The following ATP11C variants were observed in gnomAD, a reference collection of about 807,000 sequenced individuals.
ATP11C encodes the protein phospholipid-transporting ATPase IG.
A neutral mutation model predicts 97.4 loss-of-function variants in ATP11C; 36 were observed. That is an observed-to-expected ratio of 0.37 (90% confidence interval 0.28 to 0.49). The LOEUF is 0.49. ATP11C is among the 20% of genes least tolerant of loss of function. The probability of loss-of-function intolerance (pLI) is 0.98; values close to 1 mark genes in which losing one functional copy is unlikely to be tolerated. For missense variants in ATP11C, 730 were observed against 824.6 expected (o/e 0.89, Z 1.40); for synonymous variants, 275 against 290.9 (o/e 0.95, Z 0.56).
intron 14 of ATP11C, among the ~76,000 whole-genome samples, chrX:139,787,917 T>A (rs748098329): frequency 1.8e-4 from 20 of 112,665 alleles, no homozygotes; most frequent in African/African-American, 6.1e-4. Context: ...GCCACTGTTA[T>A]GTTATTTGCA....
At chrX:139,871,689 T>C (rs1482225156) in intron 1 of ATP11C, among the ~76,000 whole-genome samples, 2 of 107,458 alleles carry the variant, frequency 1.9e-5, no homozygotes, top group Non-Finnish European at 3.8e-5. Flanking sequence ...CCTGGCTAAT[T>C]TTTTTGTATT....
At chrX:139,856,966 T>C (rs1177467048) in intron 1 of ATP11C, among the ~76,000 whole-genome samples, 1 of 111,923 alleles carries the variant, frequency 8.9e-6, no homozygotes, top group East Asian at 2.8e-4. Flanking sequence ...AATGGAAGTA[T>C]AACAAAGGCA....
chrX:139,824,107 T>G (rs1481695774), intron 2 of ATP11C, among the ~76,000 whole-genome samples: 1 of 92,856 alleles, frequency 1.1e-5, no homozygotes, highest in African/African-American at 4.2e-5. Flanking sequence ...TGAAACCCCG[T>G]CTCTACTAAA....
At chrX:139,864,940 C>CA (rs1287725111) in intron 1 of ATP11C, among the ~76,000 whole-genome samples, 1 of 112,286 alleles carries the variant, frequency 8.9e-6, no homozygotes, top group Non-Finnish European at 1.9e-5. Context: ...AAAAGTGGAA[C>CA]AGATCCACTA....
At chrX:139,741,150 A>C in intron 26 of ATP11C, 56 bp from the exon 27 acceptor site, 6 of 722,319 alleles carry the variant, frequency 8.3e-6, no homozygotes, top group Non-Finnish European at 1.1e-5. Flanking sequence ...ACCAGGCAAT[A>C]CGCTATAGTA....
At chrX:139,855,578 A>G (rs2084077513) in intron 1 of ATP11C, among the ~76,000 whole-genome samples, 1 of 111,895 alleles carries the variant, frequency 8.9e-6, no homozygotes, top group Non-Finnish European at 1.9e-5. Context: ...AAACCCTACC[A>G]AACTAAAGCT....
intron 1 of ATP11C, among the ~76,000 whole-genome samples, chrX:139,930,015 C>T (rs1244265876): frequency 8.9e-6 from 1 of 111,867 alleles, no homozygotes; most frequent in Non-Finnish European, 1.9e-5. Context: ...TAAGAACCTT[C>T]CAGCTTACCG....
At chrX:139,799,921 G>C (rs906850795) in intron 8 of ATP11C, 139 bp downstream of exon 8, 1 of 519,016 alleles carries the variant, frequency 1.9e-6, no homozygotes, top group Non-Finnish European at 3.2e-6. Flanking sequence ...CAAAGTGCTG[G>C]GATTACAGGC....
intron 25 of ATP11C, 143 bp from the exon 26 acceptor site, chrX:139,743,767 A>G (rs933688972): frequency 7.9e-6 from 3 of 379,430 alleles, no homozygotes; most frequent in East Asian, 8.3e-5. Context: ...ACAGCTAGTC[A>G]GTAAGATCAG....
At chrX:139,888,830 A>G (rs1170984077) in intron 1 of ATP11C, among the ~76,000 whole-genome samples, 1 of 108,145 alleles carries the variant, frequency 9.2e-6, no homozygotes, top group East Asian at 2.9e-4. Flanking sequence ...TTTTTTGGAG[A>G]CAGGGTCTTA....
At chrX:139,934,294 G>GT (rs1341491898), upstream of ATP11C, among the ~76,000 whole-genome samples, 1 of 111,423 alleles carries the variant, frequency 9.0e-6, no homozygotes, top group Non-Finnish European at 1.9e-5. Context: ...AAATGCAAAT[G>GT]CAGGAGACCT....
intron 1 of ATP11C, among the ~76,000 whole-genome samples, chrX:139,847,640 T>C (rs1161689572): frequency 1.8e-5 from 2 of 108,729 alleles, no homozygotes; most frequent in Non-Finnish European, 3.8e-5. Context: ...GAGGTTGACG[T>C]TGCAGTGAGC....
intron 1 of ATP11C, among the ~76,000 whole-genome samples, chrX:139,928,600 C>A (rs1244430454): frequency 3.6e-5 from 4 of 111,723 alleles, no homozygotes; most frequent in Non-Finnish European, 7.5e-5. Flanking sequence ...TTCATTAATT[C>A]TTATTTTGTA....
chrX:139,791,792 T>C (rs1051766897), intron 12 of ATP11C, among the ~76,000 whole-genome samples: 6 of 111,224 alleles, frequency 5.4e-5, no homozygotes, highest in Admixed American at 3.9e-4. Context: ...GGCTGCTGCT[T>C]TACTCTGACT....
At chrX:139,930,370 A>T (rs1009955133) in intron 1 of ATP11C, among the ~76,000 whole-genome samples, 3 of 111,167 alleles carry the variant, frequency 2.7e-5, no homozygotes, top group African/African-American at 9.8e-5. Flanking sequence ...CCTTAAAAAA[A>T]AAAAAAAAGG....
At chrX:139,732,443 C>T (rs757091668) in intron 28 of ATP11C, 7 of 367,514 alleles carry the variant, frequency 1.9e-5, no homozygotes, top group Non-Finnish European at 3.7e-5. Flanking sequence ...ACCTTATTCA[C>T]TCCAAGAGAA....
At chrX:139,781,440 A>G (rs2082455566) in intron 18 of ATP11C, among the ~76,000 whole-genome samples, 1 of 112,829 alleles carries the variant, frequency 8.9e-6, no homozygotes, top group South Asian at 3.6e-4. Context: ...CAGGCCAGGC[A>G]CGGCGGCTCA....
At chrX:139,775,819 G>A (rs1264026761) in intron 18 of ATP11C, among the ~76,000 whole-genome samples, 1 of 112,561 alleles carries the variant, frequency 8.9e-6, no homozygotes, top group East Asian at 2.8e-4. Flanking sequence ...AAACTTAGAG[G>A]GCAGGAACCA....
intron 1 of ATP11C, among the ~76,000 whole-genome samples, chrX:139,877,947 CG>C (rs1158039096): frequency 9.0e-6 from 1 of 111,245 alleles, no homozygotes; most frequent in Non-Finnish European, 1.9e-5. Context: ...CGCTTGAAAC[CG>C]GAAGAGGGAG....
Sources: gnomAD v4.1 joint callset for allele counts (sites outside exome capture counted in the v4.1 genomes callset) on GRCh38, gnomAD v4.1.1 for gene constraint, MANE v1.5 for transcripts, NCBI Gene and HGNC (gene_info 2026-07-23, HGNC 2026-07-21) for gene names.